NREP: variants seen among roughly 807,000 people sequenced by gnomAD.
The protein encoded by NREP is neuronal regeneration related protein.
NREP carries 5 observed loss-of-function variants against 8.6 expected under a neutral mutation model. That is an observed-to-expected ratio of 0.58 (90% CI 0.30 to 1.22). NREP has a LOEUF of 1.22. Ranked by LOEUF, NREP falls within the 50% of genes most tolerant of loss-of-function variation. The pLI is 0.07. For missense variants in NREP, 86 were observed against 82.5 expected, an observed-to-expected ratio of 1.04 and a Z score of -0.17; for synonymous variants, 27 against 28.0, an observed-to-expected ratio of 0.96 and a Z score of 0.11.
chr5:111,797,221 C>A (rs1371578881), intron 2 of NREP, among the ~76,000 whole-genome samples: 1 of 152,102 alleles, frequency 6.6e-6, no homozygotes, highest in Non-Finnish European at 1.5e-5. Context: ...TTATTTAGTA[C>A]CCATTAAGTT....
At chr5:111,889,047 G>C (rs913701322) in intron 2 of NREP, among the ~76,000 whole-genome samples, 5 of 152,170 alleles carry the variant, frequency 3.3e-5, no homozygotes, top group Non-Finnish European at 5.9e-5. Context: ...TAGGCTGTAG[G>C]AGCATGTACA....
intron 2 of NREP, among the ~76,000 whole-genome samples, chr5:111,886,970 A>C (rs1313502617): frequency 6.6e-6 from 1 of 151,530 alleles, no homozygotes; most frequent in East Asian, 1.9e-4. Flanking sequence ...CTTAAAGTAG[A>C]TTAATAATAA....
chr5:111,871,801 T>A (rs1753796852), intron 2 of NREP, among the ~76,000 whole-genome samples: 2 of 150,258 alleles, frequency 1.3e-5, no homozygotes, highest in South Asian at 4.2e-4. Flanking sequence ...GGCACCACTG[T>A]CATATATGCA....
chr5:111,871,121 G>A (rs998138954), intron 2 of NREP, among the ~76,000 whole-genome samples: 4 of 149,232 alleles, frequency 2.7e-5, no homozygotes, highest in Non-Finnish European at 5.9e-5. Context: ...AATATGTTGT[G>A]AGAAAGGCGT....
intron 2 of NREP, among the ~76,000 whole-genome samples, chr5:111,959,540 T>C (rs921203367): frequency 6.6e-6 from 1 of 150,576 alleles, no homozygotes; most frequent in African/African-American, 2.5e-5. Flanking sequence ...AGATTAGATA[T>C]AAAGAAAACT....
intron 2 of NREP, among the ~76,000 whole-genome samples, chr5:111,813,142 A>G (rs990435768): frequency 7.2e-5 from 11 of 152,122 alleles, no homozygotes; most frequent in African/African-American, 1.4e-4. Context: ...CCATTTTATA[A>G]ATTAAAATTC....
At chr5:111,866,734 T>A (rs1322966975) in intron 2 of NREP, among the ~76,000 whole-genome samples, 2 of 151,658 alleles carry the variant, frequency 1.3e-5, no homozygotes. Flanking sequence ...AGCAAAGACT[T>A]GGAACCAACC....
At chr5:111,953,393 A>G (rs906297765) in intron 2 of NREP, among the ~76,000 whole-genome samples, 49 of 152,120 alleles carry the variant, frequency 3.2e-4, no homozygotes, top group African/African-American at 1.1e-3. Context: ...CTCTGAGGCT[A>G]TAACTTTTTT....
intron 2 of NREP, among the ~76,000 whole-genome samples, chr5:111,866,218 T>C (rs1326787992): frequency 1.3e-5 from 2 of 152,038 alleles, no homozygotes; most frequent in Admixed American, 6.5e-5. Context: ...ACAGGCAACC[T>C]ATAGAATGGG....
chr5:111,804,797 A>T (rs566065374), intron 2 of NREP, among the ~76,000 whole-genome samples: 11 of 152,112 alleles, frequency 7.2e-5, no homozygotes, highest in Non-Finnish European at 1.5e-4. Context: ...GTCAGGAGAT[A>T]GAGACCATCC....
At chr5:111,752,751 T>A (rs1321996816) in intron 2 of NREP, among the ~76,000 whole-genome samples, 1 of 152,190 alleles carries the variant, frequency 6.6e-6, no homozygotes, top group East Asian at 1.9e-4. Context: ...GAACTCATGC[T>A]TACGTCACTG....
intron 2 of NREP, among the ~76,000 whole-genome samples, chr5:111,799,071 C>T (rs1165946523): frequency 6.6e-6 from 1 of 152,074 alleles, no homozygotes. Flanking sequence ...TTTTCACTAA[C>T]ACTTGGTTGT....
At chr5:111,890,000 G>T (rs1241397661) in intron 2 of NREP, among the ~76,000 whole-genome samples, 2 of 152,152 alleles carry the variant, frequency 1.3e-5, no homozygotes, top group African/African-American at 4.8e-5. Flanking sequence ...ATGGTGGAAG[G>T]TCATCAGTTA....
chr5:111,851,278 C>T (rs1303869356), intron 2 of NREP, among the ~76,000 whole-genome samples: 1 of 152,154 alleles, frequency 6.6e-6, no homozygotes, highest in Non-Finnish European at 1.5e-5. Flanking sequence ...ACTGTTCCAG[C>T]CACTTACTTA....
intron 2 of NREP, among the ~76,000 whole-genome samples, chr5:111,934,085 G>A (rs1755617015): frequency 6.6e-6 from 1 of 152,074 alleles, no homozygotes; most frequent in Non-Finnish European, 1.5e-5. Context: ...GTATGCAGAG[G>A]AGGGAATGAG....
intron 2 of NREP, among the ~76,000 whole-genome samples, chr5:111,763,561 A>G (rs1410927006): frequency 1.3e-5 from 2 of 152,234 alleles, no homozygotes; most frequent in Non-Finnish European, 2.9e-5. Context: ...AACGAAAGGA[A>G]TGTCTCAAAG....
rs1754825190 is a variant in NREP at position 111,908,305 on chromosome 5, CA to C, written c.135+66968del. ...ATAATTTTAACTTTTATTTTTGATT[CA>C]GGGGGTATATGTGTAGGTTTGTTAC... On this transcript the variant is annotated intron_variant, in intron 2 of 3. Transcript: ENST00000395634. Among the ~76,000 whole-genome samples the C allele has an allele frequency of 2.0e-5, 3 of 151,976 alleles. No homozygotes were observed. The South Asian group carries it at 6.2e-4, about 32-fold the overall frequency.
chr5:111,747,148 T>G (rs1023797994), intron 2 of NREP, among the ~76,000 whole-genome samples: 3 of 152,266 alleles, frequency 2.0e-5, no homozygotes, highest in Middle Eastern at 3.4e-3. Context: ...TATCAAACCC[T>G]TACTTGGGTC....
intron 2 of NREP, chr5:111,846,420 C>CTTTTTTTTTTG: frequency 2.3e-5 from 1 of 44,414 alleles, no homozygotes; most frequent in Non-Finnish European, 4.2e-5. Flanking sequence ...TTTTTGTTTG[C>CTTTTTTTTTTG]TTTTTTTTTT....
Sources: allele counts gnomAD v4.1 joint callset (sites outside exome capture counted in the v4.1 genomes callset), GRCh38; gene constraint gnomAD v4.1.1; transcripts MANE v1.5; gene names NCBI Gene and HGNC (gene_info 2026-07-23, HGNC 2026-07-21).